TDRD5: variants seen among roughly 807,000 people sequenced by gnomAD.
TDRD5 encodes tudor domain containing 5, also known as tudor domain-containing protein 5.
Under a neutral mutation model 120.6 loss-of-function variants are expected in TDRD5, and 41 were observed. The observed-to-expected ratio is 0.34, with a 90% CI of 0.26 to 0.44. The LOEUF (loss-of-function observed/expected upper bound fraction) is 0.44, where lower values mean the gene tolerates loss of function less well. Among genes scored for constraint, TDRD5 ranks in the 20% least tolerant of loss-of-function variants. The pLI is 1.00. For missense variants in TDRD5, 1,006 were observed against 1,221.2 expected (o/e 0.82, Z 2.63); for synonymous variants, 430 against 433.7 (o/e 0.99, Z 0.11).
At position 179,650,857 on chromosome 1, in the gene TDRD5, C is replaced by G. The variant is rs1425194447; in HGVS notation, c.1801-10C>G. 1 of 1,613,858 alleles carries G rather than the reference C, an allele frequency of 6.2e-7. No homozygotes were observed. The highest frequency in any genetic ancestry group is 1.1e-5 in the South Asian group (1 of 91,054). On this transcript the variant is annotated splice_polypyrimidine_tract_variant and intron_variant, in intron 11 of 17. Transcript: ENST00000444136. Reference sequence around the variant, plus strand: ...TATCACCTGAATCCAATATCTTGATCATATTTCAGGAACACTGGACATCGA... The same window carrying G: ...TATCACCTGAATCCAATATCTTGATGATATTTCAGGAACACTGGACATCGA...
At chr1:179,604,741 CT>C (rs1338093401) in intron 4 of TDRD5, among the ~76,000 whole-genome samples, 1 of 151,976 alleles carries the variant, frequency 6.6e-6, no homozygotes, top group Admixed American at 6.6e-5. Context: ...TGAAAAAGTG[CT>C]TGATATAATT....
rs1378702192 is a variant in TDRD5 at position 179,690,865 on chromosome 1, C to G, written c.3030C>G (p.Ala1010=). 1 of 1,613,964 alleles carries G rather than the reference C, an allele frequency of 6.2e-7. No homozygotes were observed. Among genetic ancestry groups the G allele is most frequent in the Non-Finnish European group, 8.5e-7 (1 of 1,179,986 alleles). Residue 1010 remains alanine (A), a synonymous_variant, in exon 18 of 18, where the codon GCC becomes GCG. Transcript: ENST00000444136. ...LYIPRSTATA[A]LGAAARLATS... is the part of the protein sequence containing the mutation. Reference sequence around the variant, plus strand: ...TTCCTCGAAGTACAGCCACTGCTGCCTTAGGTGCTGCCGCACGGTTAGCTA... The same window carrying G: ...TTCCTCGAAGTACAGCCACTGCTGCGTTAGGTGCTGCCGCACGGTTAGCTA...
chr1:179,598,469 C>G (rs1053942511), intron 4 of TDRD5, among the ~76,000 whole-genome samples: 1 of 152,174 alleles, frequency 6.6e-6, no homozygotes, highest in African/African-American at 2.4e-5. Context: ...AAAATGACAT[C>G]TTAACAGTAT....
At chr1:179,647,628 G>A (rs867258355) in intron 11 of TDRD5, among the ~76,000 whole-genome samples, 2,020 of 152,064 alleles carry the variant, frequency 0.013, 55 homozygotes, top group African/African-American at 0.045. Flanking sequence ...CTTCTGCACA[G>A]CAAAAGAAAC....
At chr1:179,598,251 C>A (rs1675513143) in intron 4 of TDRD5, among the ~76,000 whole-genome samples, 1 of 152,182 alleles carries the variant, frequency 6.6e-6, no homozygotes, top group East Asian at 1.9e-4. Flanking sequence ...TACAGGTGGT[C>A]TATTGTTGAC....
chr1:179,635,541 A>C, intron 8 of TDRD5, 126 bp from the exon 9 acceptor site: 2 of 921,912 alleles, frequency 2.2e-6, no homozygotes, highest in Non-Finnish European at 3.2e-6. Context: ...GAGTTCAAGA[A>C]TCTGTATTTT....
chr1:179,690,012 G>T (rs976242777), intron 17 of TDRD5, among the ~76,000 whole-genome samples: 7 of 152,122 alleles, frequency 4.6e-5, no homozygotes, highest in African/African-American at 7.2e-5. Flanking sequence ...CCGGTGAGGC[G>T]ATGCCTCACC....
intron 10 of TDRD5, 103 bp downstream of exon 10, chr1:179,640,154 C>A: frequency 7.8e-7 from 1 of 1,276,992 alleles, no homozygotes; most frequent in South Asian, 1.3e-5. Context: ...TTCCTCCCTC[C>A]AATCCTTCCT....
chr1:179,659,524 G>C (rs2102089330), intron 14 of TDRD5, among the ~76,000 whole-genome samples: 1 of 150,082 alleles, frequency 6.7e-6, no homozygotes, highest in Non-Finnish European at 1.5e-5. Context: ...ATAATGCACT[G>C]ATATCAGTAT....
In TDRD5 at chr1:179,595,640, C is replaced by T. The variant is rs769416016; in HGVS notation, c.653C>T (p.Thr218Ile). The change falls in exon 4 of 18, where the codon ACC (threonine) becomes ATC (isoleucine). Residue 218 changes from threonine to isoleucine, a missense_variant. By Grantham distance (89) the Thr-to-Ile change is moderately conservative. This residue lies in a region of TDRD5 where 445 missense variants were observed against 515.5 expected (regional missense o/e 0.86). Coordinates refer to ENST00000444136, the MANE Select transcript of TDRD5 (RefSeq NM_001199085.3). ...TTACTCACAAAAGGTAAAATTTTTA[C>T]CCAGCCATTTAGAATGAAACAAGGG... ...PRGCPAGKIF[T>I]QPFRMKQGSY... is the part of the protein sequence containing the mutation. The T allele has an allele frequency of 6.4e-7, 1 of 1,563,010 alleles. No individual in the cohort carries two copies. The highest frequency in any genetic ancestry group is 8.6e-7 in the Non-Finnish European group (1 of 1,159,416).
In TDRD5 at chr1:179,640,022, T is replaced by C; in HGVS notation, c.1704T>C (p.Ile568=). ...ACCCAGACTTTGGAAATATTGGAAT[T>C]GTTCAGAAGTCCTCCCTGAGGTTCC... ...VFYPDFGNIG[I]VQKSSLRFLK... Residue 568 remains isoleucine, a synonymous_variant, in exon 10 of 18, where the codon ATT becomes ATC. Coordinates refer to ENST00000444136, the MANE Select transcript of TDRD5 (RefSeq NM_001199085.3). 2 of 1,614,152 alleles carry C rather than the reference T, an allele frequency of 1.2e-6. No individual in the cohort carries two copies. The highest frequency in any genetic ancestry group is 2.7e-5 in the African/African-American group (2 of 75,062).
chr1:179,600,819 G>A (rs1471289480), intron 4 of TDRD5, among the ~76,000 whole-genome samples: 1 of 152,102 alleles, frequency 6.6e-6, no homozygotes, highest in Non-Finnish European at 1.5e-5. Flanking sequence ...ATTCAAATTT[G>A]ATAGGAAAAC....
intron 4 of TDRD5, among the ~76,000 whole-genome samples, chr1:179,601,125 A>G (rs1675684001): frequency 1.1e-5 from 1 of 95,066 alleles, no homozygotes; most frequent in Admixed American, 1.4e-4. Context: ...CAGTTATGTC[A>G]TTGATTTCTT....
chr1:179,626,319 C>G (rs920836220), intron 6 of TDRD5, among the ~76,000 whole-genome samples: 1 of 152,062 alleles, frequency 6.6e-6, no homozygotes, highest in African/African-American at 2.4e-5. Flanking sequence ...CAGCAGCATA[C>G]TGTAGAATGT....
At chr1:179,651,148 T>C (rs576340572) in intron 12 of TDRD5, 81 bp downstream of exon 12, 68 of 1,434,330 alleles carry the variant, frequency 4.7e-5, no homozygotes, top group Non-Finnish European at 6.1e-5. Flanking sequence ...AATAAAGAAG[T>C]TTATTTGGTT....
intron 14 of TDRD5, 110 bp downstream of exon 14, chr1:179,654,472 A>T: frequency 8.3e-7 from 1 of 1,211,906 alleles, no homozygotes; most frequent in Non-Finnish European, 1.1e-6. Flanking sequence ...TTTTAGTATT[A>T]CAAATTCTTA....
intron 4 of TDRD5, among the ~76,000 whole-genome samples, chr1:179,611,756 G>A (rs577677990): frequency 1.3e-5 from 2 of 152,278 alleles, no homozygotes; most frequent in South Asian, 2.1e-4. Flanking sequence ...TGAGAGAGAT[G>A]CAGATACACT....
chr1:179,676,684 C>T (rs1680162566), intron 17 of TDRD5, among the ~76,000 whole-genome samples: 1 of 152,216 alleles, frequency 6.6e-6, no homozygotes, highest in South Asian at 2.1e-4. Flanking sequence ...ACCCCAGTCC[C>T]TTCTAGCTTA....
At chr1:179,633,438 G>A (rs1035923370) in intron 7 of TDRD5, among the ~76,000 whole-genome samples, 1 of 151,204 alleles carries the variant, frequency 6.6e-6, no homozygotes, top group African/African-American at 2.4e-5. Flanking sequence ...TGCAACCTCC[G>A]CCTCCCAGGT....
Sources: gnomAD v4.1 joint callset for allele counts (sites outside exome capture counted in the v4.1 genomes callset) on GRCh38, gnomAD v4.1.1 for gene constraint, gnomAD v4.1.1 regional missense constraint, MANE v1.5 for transcripts, NCBI Gene and HGNC (gene_info 2026-07-23, HGNC 2026-07-21) for gene names.